TAFA4: variants seen among roughly 807,000 people sequenced by gnomAD.
TAFA4 encodes the protein chemokine-like protein TAFA-4.
Under a neutral mutation model 21.1 loss-of-function variants are expected in TAFA4, and 20 were observed. The observed-to-expected ratio is 0.95, with a 90% CI of 0.67 to 1.38. The LOEUF is 1.38. Among genes scored for constraint, TAFA4 ranks in the 40% most tolerant of loss-of-function variants. TAFA4 has a pLI of 0.00. For missense variants in TAFA4, 211 were observed against 180.9 expected (o/e 1.17, Z -0.95); for synonymous variants, 71 against 67.4 (o/e 1.05, Z -0.26).
intron 3 of TAFA4, among the ~76,000 whole-genome samples, chr3:68,802,529 TAAG>T (rs1235799489): frequency 1.3e-5 from 2 of 152,032 alleles, no homozygotes; most frequent in Non-Finnish European, 2.9e-5. Flanking sequence ...ATAAATACTA[TAAG>T]AAGTGCTTTG....
Position 68,754,691 on chromosome 3 carries a change from A to G in TAFA4, c.131-1673T>C, listed in dbSNP as rs73835345. 7.3e-3 allele frequency among the ~76,000 whole-genome samples: 1,118 copies of G among 152,274 alleles called. 9 individuals are homozygous for G. The highest frequency in any genetic ancestry group is 0.026 in the African/African-American group (1,065 of 41,552). On this transcript the variant is annotated intron_variant, in intron 3 of 5. Transcript: ENST00000295569. ...GGGAGATATATTAGTGAGACTATGA[A>G]TATATCCCATTCTTTATCAAACTGT...
At chr3:68,835,412 C>CA (rs1483525571) in intron 3 of TAFA4, among the ~76,000 whole-genome samples, 1 of 152,170 alleles carries the variant, frequency 6.6e-6, no homozygotes, top group Non-Finnish European at 1.5e-5. Context: ...AGTCAGTATT[C>CA]AAATATTTGC....
chr3:68,780,848 A>C (rs1275467170), intron 3 of TAFA4, among the ~76,000 whole-genome samples: 1 of 152,034 alleles, frequency 6.6e-6, no homozygotes, highest in African/African-American at 2.4e-5. Context: ...CAGAATACAT[A>C]TTTTTAGTAC....
At chr3:68,843,200 T>C (rs1704706297) in intron 3 of TAFA4, among the ~76,000 whole-genome samples, 3 of 152,234 alleles carry the variant, frequency 2.0e-5, no homozygotes, top group South Asian at 4.1e-4. Context: ...TCCTCACTTA[T>C]TTCCTTGAGC....
intron 3 of TAFA4, among the ~76,000 whole-genome samples, chr3:68,806,653 G>A (rs1221152511): frequency 1.3e-5 from 2 of 152,132 alleles, no homozygotes. Context: ...TATGATGGTG[G>A]TAGAAGGTAG....
chr3:68,801,619 C>G (rs1049227834), intron 3 of TAFA4, among the ~76,000 whole-genome samples: 4 of 152,196 alleles, frequency 2.6e-5, no homozygotes, highest in African/African-American at 9.6e-5. Flanking sequence ...TCATTTAGGT[C>G]TTATCACCAT....
At chr3:68,853,955 TA>T (rs1441718181) in intron 3 of TAFA4, among the ~76,000 whole-genome samples, 1 of 152,220 alleles carries the variant, frequency 6.6e-6, no homozygotes, top group Non-Finnish European at 1.5e-5. Flanking sequence ...GAGCACCTAT[TA>T]TGTATGAAGC....
intron 3 of TAFA4, among the ~76,000 whole-genome samples, chr3:68,845,002 G>C (rs1336519839): frequency 6.6e-6 from 1 of 152,122 alleles, no homozygotes. Flanking sequence ...CTGCTGATTT[G>C]GGGAGGAGCG....
At chr3:68,854,697 T>A (rs1250043072) in intron 3 of TAFA4, among the ~76,000 whole-genome samples, 3 of 151,964 alleles carry the variant, frequency 2.0e-5, no homozygotes, top group African/African-American at 7.2e-5. Flanking sequence ...CACCCTCTAA[T>A]ACATTCTTCT....
chr3:68,906,596 C>T (rs2089902990), intron 1 of TAFA4, among the ~76,000 whole-genome samples: 1 of 152,122 alleles, frequency 6.6e-6, no homozygotes, highest in African/African-American at 2.4e-5. Context: ...GCTCCAGAGT[C>T]CTTCTCTTAT....
Position 68,880,811 on chromosome 3 carries a change from G to A in TAFA4, c.49C>T (p.His17Tyr). The change falls in exon 3 of 6, where the codon CAC becomes TAC. Residue 17 changes from histidine (H) to tyrosine (Y), a missense_variant. His to Tyr is a moderately conservative substitution (Grantham distance 83, BLOSUM62 2). Transcript: ENST00000295569. ...AACACGTAGGCTAGAAAGAGCCAGT[G>A]CGACAGCAACACTGACTTAGCACAG... Reference protein sequence around the residue: ...RVCAKSVLLSHWLFLAYVLMV... With the variant: ...RVCAKSVLLSYWLFLAYVLMV... The A allele has an allele frequency of 6.2e-7, 1 of 1,613,700 alleles. No individual in the cohort carries two copies. The highest frequency in any genetic ancestry group is 8.5e-7 in the Non-Finnish European group (1 of 1,179,942).
intron 3 of TAFA4, among the ~76,000 whole-genome samples, chr3:68,754,226 T>A (rs1702616211): frequency 6.6e-6 from 1 of 152,230 alleles, no homozygotes; most frequent in African/African-American, 2.4e-5. Context: ...TACTACGTAA[T>A]GTACAATCTA....
At chr3:68,794,668 C>T (rs778698960) in intron 3 of TAFA4, among the ~76,000 whole-genome samples, 3 of 152,136 alleles carry the variant, frequency 2.0e-5, no homozygotes, top group Non-Finnish European at 4.4e-5. Context: ...AGTTGGCATC[C>T]CTGCCTGCAG....
intron 5 of TAFA4, among the ~76,000 whole-genome samples, chr3:68,738,566 G>C (rs1239482108): frequency 6.6e-6 from 1 of 152,200 alleles, no homozygotes; most frequent in African/African-American, 2.4e-5. Context: ...CTGAACATAG[G>C]AAGAAGGTAG....
chr3:68,922,219 C>G (rs973919385), intron 1 of TAFA4, among the ~76,000 whole-genome samples: 1 of 152,164 alleles, frequency 6.6e-6, no homozygotes, highest in Non-Finnish European at 1.5e-5. Context: ...TTGGAAGCAT[C>G]GGCACCTCAT....
chr3:68,905,923 T>C (rs765260572), intron 1 of TAFA4, among the ~76,000 whole-genome samples: 3 of 152,206 alleles, frequency 2.0e-5, no homozygotes, highest in South Asian at 4.1e-4. Context: ...TAAACTGCCA[T>C]CCACGGATCA....
chr3:68,816,711 G>C (rs1040116108), intron 3 of TAFA4, among the ~76,000 whole-genome samples: 1 of 152,026 alleles, frequency 6.6e-6, no homozygotes, highest in East Asian at 1.9e-4. Flanking sequence ...CTGAGATATT[G>C]CAAGTTCAGT....
chr3:68,818,313 A>G (rs955396112), intron 3 of TAFA4, among the ~76,000 whole-genome samples: 1 of 152,184 alleles, frequency 6.6e-6, no homozygotes, highest in African/African-American at 2.4e-5. Context: ...GCATGTTACT[A>G]GAGTGTTGAG....
chr3:68,885,213 C>A lies in TAFA4; in HGVS notation c.-25G>T. The A allele has an allele frequency of 6.2e-7, 1 of 1,610,508 alleles. No homozygotes were observed. Among genetic ancestry groups the A allele is most frequent in the Non-Finnish European group, 8.5e-7 (1 of 1,178,078 alleles). ...TAAGATGTGGTTCTAGTCAAACACA[C>A]TTATTCCAGGATATATTTCAGAGTG... On this transcript the variant is annotated 5_prime_UTR_variant, in exon 2 of 6. Coordinates refer to ENST00000295569, the MANE Select transcript of TAFA4 (RefSeq NM_182522.5).
Sources: allele counts gnomAD v4.1 joint callset (sites outside exome capture counted in the v4.1 genomes callset), GRCh38; gene constraint gnomAD v4.1.1; transcripts MANE v1.5; gene names NCBI Gene and HGNC (gene_info 2026-07-23, HGNC 2026-07-21).